The following FAM184B variants were observed in gnomAD, a reference collection of about 807,000 sequenced individuals.
FAM184B encodes the protein family with sequence similarity 184 member B, also known as protein FAM184B.
FAM184B carries 111 observed loss-of-function variants against 135.9 expected under a neutral mutation model. The observed-to-expected ratio is 0.82, with a 90% CI of 0.70 to 0.96. FAM184B has a LOEUF of 0.96. Among genes scored for constraint, FAM184B ranks in the 40% least tolerant of loss-of-function variants. The pLI is 0.00. For synonymous variants in FAM184B, 552 were observed against 524.8 expected (o/e 1.05, Z -0.71); for missense variants, 1,375 against 1,323.9 (o/e 1.04, Z -0.60).
chr4:17,708,699 A>ATATG (rs1717173759), intron 2 of FAM184B, among the ~76,000 whole-genome samples, 193 bp downstream of exon 2: 2 of 53,882 alleles, frequency 3.7e-5, no homozygotes, highest in Non-Finnish European at 6.5e-5. Flanking sequence ...ATATATATAT[A>ATATG]TATATATATA....
chr4:17,732,892 A>C (rs1717818336), intron 1 of FAM184B, among the ~76,000 whole-genome samples: 1 of 152,208 alleles, frequency 6.6e-6, no homozygotes, highest in Non-Finnish European at 1.5e-5. Context: ...AAAAAAGAGA[A>C]TTTTAGACCA....
At chr4:17,707,005 C>T (rs1717135519) in intron 3 of FAM184B, among the ~76,000 whole-genome samples, 1 of 152,152 alleles carries the variant, frequency 6.6e-6, no homozygotes, top group South Asian at 2.1e-4. Flanking sequence ...CCAGGCTGGT[C>T]TCGAACTCCT....
At chr4:17,677,541 T>A (rs1439823693) in intron 7 of FAM184B, among the ~76,000 whole-genome samples, 1 of 151,898 alleles carries the variant, frequency 6.6e-6, no homozygotes, top group African/African-American at 2.4e-5. Context: ...GTAAAAAAAT[T>A]GCCAAAAAAA....
At chr4:17,698,532 G>A (rs1301064882) in intron 5 of FAM184B, among the ~76,000 whole-genome samples, 1 of 152,140 alleles carries the variant, frequency 6.6e-6, no homozygotes, top group Non-Finnish European at 1.5e-5. Flanking sequence ...TATATTTAAA[G>A]TTCATGATGC....
chr4:17,741,693 AAAAAC>A (rs1358017714), intron 1 of FAM184B, among the ~76,000 whole-genome samples: 1 of 152,082 alleles, frequency 6.6e-6, no homozygotes, highest in South Asian at 2.1e-4. Context: ...ACTCCATCTC[AAAAAC>A]AAAACAAAAC....
chr4:17,669,456 T>C (rs1716122782), intron 7 of FAM184B, among the ~76,000 whole-genome samples: 1 of 152,204 alleles, frequency 6.6e-6, no homozygotes, highest in African/African-American at 2.4e-5. Flanking sequence ...TATTACAATA[T>C]AAATACATAA....
chr4:17,633,383 G>T (rs970833362), intron 17 of FAM184B: 12 of 234,266 alleles, frequency 5.1e-5, no homozygotes, highest in Admixed American at 4.3e-4. Context: ...TGAGATAGGT[G>T]CTGTATTATC....
At chr4:17,741,629 G>T (rs1452854312) in intron 1 of FAM184B, among the ~76,000 whole-genome samples, 1 of 152,188 alleles carries the variant, frequency 6.6e-6, no homozygotes, top group African/African-American at 2.4e-5. Context: ...GGAGGCGGAA[G>T]TTGCAGTGAG....
chr4:17,686,488 G>T (rs920906192), intron 7 of FAM184B, among the ~76,000 whole-genome samples: 2 of 152,244 alleles, frequency 1.3e-5, no homozygotes, highest in African/African-American at 2.4e-5. Flanking sequence ...TATCTGGAAG[G>T]CATCCTGGGC....
intron 1 of FAM184B, among the ~76,000 whole-genome samples, chr4:17,752,712 T>G (rs1718330635): frequency 6.6e-6 from 1 of 152,192 alleles, no homozygotes. Flanking sequence ...CAAAGATACT[T>G]CCTTCAAGTC....
chr4:17,642,605 A>T (rs1024747715), intron 12 of FAM184B, among the ~76,000 whole-genome samples: 1 of 152,078 alleles, frequency 6.6e-6, no homozygotes, highest in Non-Finnish European at 1.5e-5. Flanking sequence ...AGTCTTCCCT[A>T]CCTCTCAGGG....
chr4:17,638,727 G>T (rs527291791), intron 14 of FAM184B, among the ~76,000 whole-genome samples: 1 of 152,202 alleles, frequency 6.6e-6, no homozygotes, highest in Non-Finnish European at 1.5e-5. Context: ...TTTCTTCGAA[G>T]TGTGAGGGTT....
intron 1 of FAM184B, among the ~76,000 whole-genome samples, chr4:17,742,168 A>ATATATTT (rs1459958150): frequency 2.7e-5 from 3 of 109,308 alleles, no homozygotes; most frequent in African/African-American, 1.4e-4. Flanking sequence ...ATATATATAT[A>ATATATTT]TTTTTTTTTT....
chr4:17,661,517 C>A (rs1340147574), intron 8 of FAM184B, among the ~76,000 whole-genome samples: 1 of 152,208 alleles, frequency 6.6e-6, no homozygotes, highest in African/African-American at 2.4e-5. Flanking sequence ...ACACCTATTG[C>A]ACTCCAGCCT....
chr4:17,752,267 T>A (rs1718311308), intron 1 of FAM184B, among the ~76,000 whole-genome samples: 1 of 151,984 alleles, frequency 6.6e-6, no homozygotes, highest in African/African-American at 2.4e-5. Flanking sequence ...TCAAGAGAGA[T>A]TTTGATCCCG....
Position 17,630,874 on chromosome 4 carries a change from T to C in FAM184B, c.*1658A>G, listed in dbSNP as rs1714916732. ...TCTAATTTTACCTTTCTGTGGAAAA[T>C]CAATACAAGTCAACCATTTTTATTG... is the stretch of plus-strand genomic sequence containing the variant. On this transcript the variant is annotated 3_prime_UTR_variant, in exon 18 of 18. Coordinates refer to ENST00000265018, the MANE Select transcript of FAM184B (RefSeq NM_015688.2). 2 of 152,162 alleles carry C rather than the reference T, an allele frequency of 1.3e-5. No homozygotes were observed. Among genetic ancestry groups the C allele is most frequent in the African/African-American group, 4.8e-5 (2 of 41,434 alleles). 9.4% of individuals were successfully genotyped at this position (152,162 alleles called of 1,614,324 possible). A position where few individuals can be genotyped will look rare whatever the true frequency, so the allele number is the denominator to read the frequency against.
intron 9 of FAM184B, among the ~76,000 whole-genome samples, chr4:17,659,706 G>C (rs982780556): frequency 4.6e-5 from 7 of 152,030 alleles, no homozygotes; most frequent in Admixed American, 2.6e-4. Context: ...GGCTGGTCTC[G>C]AACTCCTGAC....
At chr4:17,675,539 C>T (rs188490874) in intron 7 of FAM184B, among the ~76,000 whole-genome samples, 1 of 152,178 alleles carries the variant, frequency 6.6e-6, no homozygotes, top group Non-Finnish European at 1.5e-5. Context: ...TATCTCCTAA[C>T]GAGAGAGTCA....
At chr4:17,684,205 AAAT>A (rs1025076749) in intron 7 of FAM184B, among the ~76,000 whole-genome samples, 18 of 133,166 alleles carry the variant, frequency 1.4e-4, no homozygotes, top group East Asian at 4.8e-4. Context: ...GTTATATAAA[AAAT>A]AATAATATAA....
Sources: gnomAD v4.1 joint callset for allele counts (sites outside exome capture counted in the v4.1 genomes callset) on GRCh38, gnomAD v4.1.1 for gene constraint, MANE v1.5 for transcripts, NCBI Gene and HGNC (gene_info 2026-07-23, HGNC 2026-07-21) for gene names.